ARHGEF38: variants seen among roughly 807,000 people sequenced by gnomAD.
ARHGEF38 encodes the protein Rho guanine nucleotide exchange factor 38, also known as Rho guanine nucleotide exchange factor (GEF) 38.
A neutral mutation model predicts 79.9 loss-of-function variants in ARHGEF38; 79 were observed. The ratio of observed to expected loss-of-function variants is 0.99; its 90% CI spans 0.82 to 1.19. ARHGEF38 has a LOEUF of 1.19. ARHGEF38 is among the 50% of genes most tolerant of loss of function. The pLI is 0.00. For missense variants in ARHGEF38, 962 were observed against 907.2 expected, an observed-to-expected ratio of 1.06 and a Z score of -0.78; for synonymous variants, 366 against 328.3, an observed-to-expected ratio of 1.11 and a Z score of -1.24.
At chr4:105,609,816 A>G (rs1397411764) in intron 2 of ARHGEF38, among the ~76,000 whole-genome samples, 3 of 152,156 alleles carry the variant, frequency 2.0e-5, no homozygotes, top group South Asian at 2.1e-4. Flanking sequence ...CCTTTAATCT[A>G]GAACCAGAAA....
At chr4:105,605,443 C>A (rs1727998210) in intron 2 of ARHGEF38, among the ~76,000 whole-genome samples, 2 of 152,078 alleles carry the variant, frequency 1.3e-5, no homozygotes, top group South Asian at 4.1e-4. Flanking sequence ...CCCCTTTCTG[C>A]AAAGGGACTA....
intron 3 of ARHGEF38, among the ~76,000 whole-genome samples, chr4:105,627,972 A>G (rs1729018196): frequency 6.6e-6 from 1 of 152,070 alleles, no homozygotes; most frequent in Admixed American, 6.6e-5. Context: ...GTACTTAAAT[A>G]TCTTTTAACT....
At chr4:105,599,607 GC>G (rs1324029700) in intron 2 of ARHGEF38, among the ~76,000 whole-genome samples, 2 of 151,980 alleles carry the variant, frequency 1.3e-5, no homozygotes, top group East Asian at 3.9e-4. Flanking sequence ...TTATAATATT[GC>G]CATAAACCTC....
rs1459777650 is a variant in ARHGEF38, at chr4:105,678,365, A to G, written c.*428A>G. 4 of 156,378 alleles carry G rather than the reference A, an allele frequency of 2.6e-5. No homozygotes were observed. Among genetic ancestry groups the G allele is most frequent in the African/African-American group, 7.2e-5 (3 of 41,510 alleles). The allele number at this position is 156,378 out of a possible 1,614,324, so 9.7% of individuals were successfully genotyped here. A position where few individuals can be genotyped will look rare whatever the true frequency, so the allele number is the denominator to read the frequency against. On this transcript the variant is annotated 3_prime_UTR_variant, in exon 14 of 14. Transcript: ENST00000420470. ...TGCATACATGTTTATATACATACAT[A>G]TAAACCATATATATTATGTAGCTTT...
At position 105,558,914 on chromosome 4, in the gene ARHGEF38, A is replaced by G. The variant is rs183358052; in HGVS notation, c.196+5953A>G. Among the ~76,000 whole-genome samples, 1,466 of 151,840 alleles carry G rather than the reference A, an allele frequency of 9.7e-3. 30 individuals carry two copies. Among genetic ancestry groups the G allele is most frequent in the African/African-American group, 0.034 (1,393 of 41,376 alleles). On this transcript the variant is annotated intron_variant, in intron 1 of 13. Coordinates refer to ENST00000420470, the MANE Select transcript of ARHGEF38 (RefSeq NM_001242729.2). Reference sequence around the variant, plus strand: ...GGAAGGAGAGAGAGAAGGGGAGGGGAGAGACAGACAGAAACCAAGCAAGCA... The same window carrying G: ...GGAAGGAGAGAGAGAAGGGGAGGGGGGAGACAGACAGAAACCAAGCAAGCA...
At chr4:105,588,498 G>C (rs889831662) in intron 1 of ARHGEF38, among the ~76,000 whole-genome samples, 1 of 152,184 alleles carries the variant, frequency 6.6e-6, no homozygotes, top group Non-Finnish European at 1.5e-5. Flanking sequence ...TGGGGAGCTC[G>C]TCCTTGAAGA....
Position 105,552,826 on chromosome 4 carries a change from T to C in ARHGEF38, c.61T>C (p.Phe21Leu), listed in dbSNP as rs61753342. 2,279 of 1,613,242 alleles carry C rather than the reference T, an allele frequency of 1.4e-3. 36 individuals are homozygous for C. The African/African-American group carries it at 0.027, about 19-fold the overall frequency. The change falls in exon 1 of 14, where the codon TTC becomes CTC. Residue 21 changes from phenylalanine to leucine, a missense_variant. Coordinates refer to ENST00000420470, the MANE Select transcript of ARHGEF38 (RefSeq NM_001242729.2). ...GGTCACCAAGAAAAAGAATCTGGCC[T>C]TCTTGAGGTCTAGACTCTATATGCT... is the stretch of plus-strand genomic sequence containing the variant. ...NMVTKKKNLA[F>L]LRSRLYMLER... is the part of the protein sequence containing the mutation.
intron 5 of ARHGEF38, among the ~76,000 whole-genome samples, chr4:105,642,016 C>A (rs577491858): frequency 1.3e-5 from 2 of 152,120 alleles, no homozygotes; most frequent in South Asian, 4.2e-4. Flanking sequence ...TATATATGAG[C>A]AATTGTTACA....
At chr4:105,666,442 T>TATTC in intron 11 of ARHGEF38, 122 bp downstream of exon 11, 1 of 1,127,696 alleles carries the variant, frequency 8.9e-7, no homozygotes, top group Non-Finnish European at 1.2e-6. Flanking sequence ...TACATATGTG[T>TATTC]AGAATTTCTT....
At chr4:105,649,186 C>T (rs1221638928) in intron 7 of ARHGEF38, among the ~76,000 whole-genome samples, 1 of 152,096 alleles carries the variant, frequency 6.6e-6, no homozygotes, top group Non-Finnish European at 1.5e-5. Context: ...TATCCCCTTC[C>T]TCTTCCCTCA....
chr4:105,606,567 A>G (rs1338860556), intron 2 of ARHGEF38, among the ~76,000 whole-genome samples: 3 of 152,150 alleles, frequency 2.0e-5, no homozygotes, highest in Non-Finnish European at 4.4e-5. Context: ...ACTTTAGCTC[A>G]GTGATAATCA....
At chr4:105,592,685 G>A (rs1046806566) in intron 2 of ARHGEF38, among the ~76,000 whole-genome samples, 1 of 152,198 alleles carries the variant, frequency 6.6e-6, no homozygotes, top group Non-Finnish European at 1.5e-5. Flanking sequence ...CCCCAGTAAT[G>A]TTTCTGAGGA....
At chr4:105,661,988 G>T (rs1730582216) in intron 10 of ARHGEF38, among the ~76,000 whole-genome samples, 2 of 152,102 alleles carry the variant, frequency 1.3e-5, no homozygotes, top group African/African-American at 4.8e-5. Flanking sequence ...ATAGAAGTGG[G>T]ATCTCTGTGT....
intron 1 of ARHGEF38, among the ~76,000 whole-genome samples, chr4:105,580,098 T>A (rs1358418276): frequency 3.3e-5 from 2 of 61,440 alleles, no homozygotes; most frequent in Non-Finnish European, 6.9e-5. Context: ...CCAATTGTGT[T>A]CATTTGGATC....
chr4:105,682,431 T>C (rs568242491), downstream of ARHGEF38: 9 of 244,790 alleles, frequency 3.7e-5, no homozygotes, highest in East Asian at 3.5e-4. Flanking sequence ...TGCTAGAAGA[T>C]GAACTATTTC....
Position 105,679,195 on chromosome 4 carries a change from G to T in ARHGEF38, c.*1258G>T. 6.4e-6 allele frequency: 4 copies of T among 621,798 alleles called. No homozygotes were observed. In the South Asian group the frequency reaches 7.9e-5, roughly 12 times the overall value. The allele number at this position is 621,798 out of a possible 1,614,324, so 38.5% of individuals were successfully genotyped here. On this transcript the variant is annotated 3_prime_UTR_variant, in exon 14 of 14. Transcript: ENST00000420470. ...GCCAGATCGACAACCTGACTGGCCT[G>T]ACCAGCCACTCCTCTGTCTGGAATT...
chr4:105,642,623 T>G (rs542504528), intron 5 of ARHGEF38, among the ~76,000 whole-genome samples: 1 of 152,188 alleles, frequency 6.6e-6, no homozygotes, highest in Non-Finnish European at 1.5e-5. Context: ...TACTGAAGGA[T>G]GTACTCTATC....
chr4:105,633,849 TTTAA>T (rs1729293484), intron 4 of ARHGEF38, among the ~76,000 whole-genome samples: 1 of 152,166 alleles, frequency 6.6e-6, no homozygotes, highest in South Asian at 2.1e-4. Flanking sequence ...CAAGAATTAA[TTTAA>T]ATAACACCAG....
intron 5 of ARHGEF38, among the ~76,000 whole-genome samples, chr4:105,637,933 A>G (rs1041725862): frequency 3.3e-5 from 5 of 152,166 alleles, no homozygotes; most frequent in Admixed American, 2.6e-4. Context: ...CTATACATCA[A>G]GAACTAAAAA....
Sources: allele counts gnomAD v4.1 joint callset (sites outside exome capture counted in the v4.1 genomes callset), GRCh38; gene constraint gnomAD v4.1.1; transcripts MANE v1.5; gene names NCBI Gene and HGNC (gene_info 2026-07-23, HGNC 2026-07-21).